The following MYPN variants were observed in gnomAD, a reference collection of about 807,000 sequenced individuals.
The protein encoded by MYPN is myopalladin.
In MYPN, 63 loss-of-function variants were observed where a neutral mutation model predicts 129.4. That is an observed-to-expected ratio of 0.49 (90% confidence interval 0.40 to 0.60). The LOEUF (loss-of-function observed/expected upper bound fraction) is 0.60. Ranked by LOEUF, MYPN falls within the 20% of genes least tolerant of loss-of-function variation. The probability of loss-of-function intolerance (pLI) is 0.00; values close to 1 mark genes in which losing one functional copy is unlikely to be tolerated. For synonymous variants in MYPN, 629 were observed against 600.9 expected (o/e 1.05, Z -0.68); for missense variants, 1,596 against 1,635.4 (o/e 0.98, Z 0.42).
At chr10:68,091,431 A>ATT (rs2041930820) in intron 1 of MYPN, among the ~76,000 whole-genome samples, 1 of 94,782 alleles carries the variant, frequency 1.1e-5, no homozygotes, top group Non-Finnish European at 1.9e-5. Flanking sequence ...GTCTTGCCCT[A>ATT]TTGCCCAGGC....
intron 2 of MYPN, among the ~76,000 whole-genome samples, chr10:68,123,821 G>A (rs1175136643): frequency 6.6e-6 from 1 of 152,092 alleles, no homozygotes; most frequent in East Asian, 1.9e-4. Context: ...ACAGCGCAGG[G>A]CTACAATTTA....
rs183032275 is a variant in MYPN at position 68,176,464 on chromosome 10, T to A, written c.2703+1003T>A. Among the ~76,000 whole-genome samples the A allele has an allele frequency of 3.0e-4, 45 of 152,314 alleles. 1 individual carries two copies. The highest frequency in any genetic ancestry group is 1.7e-3 in the South Asian group (8 of 4,830). On this transcript the variant is annotated intron_variant, in intron 12 of 19. Coordinates refer to ENST00000358913, the MANE Select transcript of MYPN (RefSeq NM_032578.4). ...AAATATTGTGGAATTTGTGGACTCC[T>A]AGAAACAAAGCTCTCGACTTCCCAG...
At chr10:68,143,290 G>C (rs867038123) in intron 3 of MYPN, among the ~76,000 whole-genome samples, 175 bp downstream of exon 3, 13 of 152,216 alleles carry the variant, frequency 8.5e-5, no homozygotes, top group Middle Eastern at 3.4e-3. Context: ...TACATTATAT[G>C]ATGGGAAAGA....
At chr10:68,209,723 C>T (rs182769918) in intron 19 of MYPN, among the ~76,000 whole-genome samples, 424 of 146,324 alleles carry the variant, frequency 2.9e-3, no homozygotes, top group African/African-American at 0.01. Context: ...TGGAGTCTCG[C>T]TCTGTCGCCC....
At chr10:68,196,419 C>T (rs1055841063) in intron 15 of MYPN, among the ~76,000 whole-genome samples, 1 of 149,296 alleles carries the variant, frequency 6.7e-6, no homozygotes. Flanking sequence ...ACCAAAGGAA[C>T]AAAAATAGTG....
At chr10:68,146,456 T>C (rs1371621160) in intron 4 of MYPN, among the ~76,000 whole-genome samples, 11 of 152,238 alleles carry the variant, frequency 7.2e-5, no homozygotes, top group Non-Finnish European at 1.3e-4. Context: ...GGGGTATGAA[T>C]TTTGATCTAT....
Position 68,166,194 on chromosome 10 carries a change from T to C in MYPN, c.1601-100T>C. 2.9e-6 allele frequency: 4 copies of C among 1,386,006 alleles called. No individual in the cohort carries two copies. The East Asian group carries it at 9.1e-5, about 32-fold the overall frequency. 85.9% of individuals were successfully genotyped at this position (1,386,006 alleles called of 1,614,324 possible). A position where few individuals can be genotyped will look rare whatever the true frequency, so the allele number is the denominator to read the frequency against. On this transcript the variant is annotated intron_variant, in intron 9 of 19. Coordinates refer to ENST00000358913, the MANE Select transcript of MYPN (RefSeq NM_032578.4). ...TCTGTTTTTGACAAGCATTTTCCCA[T>C]TCATACATTCCTCTGGTGTGAACAC...
chr10:68,112,774 CT>C (rs2042099296), intron 1 of MYPN, among the ~76,000 whole-genome samples: 1 of 152,116 alleles, frequency 6.6e-6, no homozygotes, highest in African/African-American at 2.4e-5. Flanking sequence ...TATTAAATTA[CT>C]AATGCCGTTC....
In MYPN at chr10:68,197,470, G is replaced by A. The variant is rs747760649; in HGVS notation, c.3277G>A (p.Asp1093Asn). The A allele has an allele frequency of 1.6e-5, 26 of 1,613,608 alleles. No homozygotes were observed. The highest frequency in any genetic ancestry group is 2.2e-5 in the Non-Finnish European group (26 of 1,179,828). Reference sequence around the variant, plus strand: ...TCATGAGGGGCGCCTCTGTCGGCTGGACTGTAAGGTAGACTCCAGCACCCA... The same window carrying A: ...TCATGAGGGGCGCCTCTGTCGGCTGAACTGTAAGGTAGACTCCAGCACCCA... ...VAHEGRLCRL[D>N]CKVSGLPPPE... The change falls in exon 16 of 20, where the codon GAC (aspartate) becomes AAC (asparagine). Residue 1093 changes from aspartate to asparagine, a missense_variant. Physicochemically the swap from Asp to Asn is conservative, Grantham distance 23. Transcript: ENST00000358913.
chr10:68,132,927 C>G (rs182745319), intron 2 of MYPN, among the ~76,000 whole-genome samples: 2 of 152,112 alleles, frequency 1.3e-5, no homozygotes, highest in South Asian at 2.1e-4. Context: ...CATCATCATC[C>G]CAAAATGGTA....
intron 17 of MYPN, 47 bp from the exon 18 acceptor site, chr10:68,201,782 A>G (rs773183559): frequency 5.5e-6 from 6 of 1,099,754 alleles, no homozygotes; most frequent in Non-Finnish European, 6.3e-6. Flanking sequence ...CTCTGTCTCA[A>G]AAAAAAAAAA....
intron 18 of MYPN, 124 bp downstream of exon 18, chr10:68,202,118 T>C: frequency 8.5e-7 from 1 of 1,177,692 alleles, no homozygotes; most frequent in Non-Finnish European, 1.2e-6. Flanking sequence ...TGCGTTTCAT[T>C]GATATTATTG....
intron 18 of MYPN, among the ~76,000 whole-genome samples, chr10:68,204,207 G>A (rs139974515): frequency 1.3e-5 from 2 of 152,268 alleles, no homozygotes; most frequent in East Asian, 1.9e-4. Flanking sequence ...AAGAGACCAC[G>A]TCTTCTTTGT....
chr10:68,121,641 G>C lies in MYPN; in HGVS notation c.203G>C (p.Ser68Thr). 1 of 1,614,226 alleles carries C rather than the reference G, an allele frequency of 6.2e-7. No individual in the cohort carries two copies. The highest frequency in any genetic ancestry group is 8.5e-7 in the Non-Finnish European group (1 of 1,180,036). Residue 68 changes from serine (S) to threonine (T), a missense_variant, in exon 2 of 20, where the codon AGC (serine) becomes ACC (threonine). Transcript: ENST00000358913. ...CTTCCAGATCTTTCAGCCTTTCTGA[G>C]CCAAGAAGAATTAGACGAAAGTGTC... is the stretch of plus-strand genomic sequence containing the variant. ...DDLPDLSAFL[S>T]QEELDESVNL...
At chr10:68,136,128 C>A in intron 2 of MYPN, 1 of 603,182 alleles carries the variant, frequency 1.7e-6, no homozygotes, top group Non-Finnish European at 2.1e-6. Context: ...AGTAACCTCA[C>A]AGCAGAATGG....
At chr10:68,145,271 C>A (rs1037383015) in intron 3 of MYPN, among the ~76,000 whole-genome samples, 4 of 151,878 alleles carry the variant, frequency 2.6e-5, no homozygotes, top group South Asian at 2.1e-4. Context: ...TGATCCACCC[C>A]CCTCGGCCTC....
At chr10:68,208,877 C>A (rs995294317) in intron 19 of MYPN, among the ~76,000 whole-genome samples, 7 of 152,076 alleles carry the variant, frequency 4.6e-5, no homozygotes, top group Non-Finnish European at 7.4e-5. Flanking sequence ...ATGCAGTAGT[C>A]CAGTTAAGAT....
At chr10:68,147,021 C>G (rs951168872) in intron 4 of MYPN, among the ~76,000 whole-genome samples, 1 of 152,200 alleles carries the variant, frequency 6.6e-6, no homozygotes, top group African/African-American at 2.4e-5. Context: ...TATTGAGTGT[C>G]ACTTTCCCCC....
At chr10:68,118,410 A>G (rs1010247990) in intron 1 of MYPN, among the ~76,000 whole-genome samples, 46 of 152,346 alleles carry the variant, frequency 3.0e-4, no homozygotes, top group African/African-American at 1.0e-3. Context: ...TCAGAGTTAC[A>G]TAATTGTTAC....
Sources: gnomAD v4.1 joint callset for allele counts (sites outside exome capture counted in the v4.1 genomes callset) on GRCh38, gnomAD v4.1.1 for gene constraint, MANE v1.5 for transcripts, NCBI Gene and HGNC (gene_info 2026-07-23, HGNC 2026-07-21) for gene names.